COLEC12: variants seen among roughly 807,000 people sequenced by gnomAD.
COLEC12 encodes collectin subfamily member 12.
Under a neutral mutation model 71.1 loss-of-function variants are expected in COLEC12, and 33 were observed. The observed-to-expected ratio is 0.46, with a 90% CI of 0.35 to 0.62. The LOEUF (loss-of-function observed/expected upper bound fraction) is 0.62, where lower values mean the gene tolerates loss of function less well. Ranked by LOEUF, COLEC12 falls within the 20% of genes least tolerant of loss-of-function variation. The pLI is 0.00. For synonymous variants in COLEC12, 350 were observed against 353.0 expected (o/e 0.99, Z 0.10); for missense variants, 765 against 916.1 (o/e 0.84, Z 2.13).
chr18:411,999 A>C lies in COLEC12; in HGVS notation c.59-54477T>G, dbSNP rs368161358. Among the ~76,000 whole-genome samples, 35 of 152,346 alleles carry C rather than the reference A, an allele frequency of 2.3e-4. 1 individual carries two copies. The East Asian group carries it at 4.6e-3, about 20-fold the overall frequency. On this transcript the variant is annotated intron_variant, in intron 2 of 9. Coordinates refer to ENST00000400256, the MANE Select transcript of COLEC12 (RefSeq NM_130386.3). ...TAACAAAAAATCTAACATTTATGTCATAAGTGTCCTAGAAGGAGAGGAGAA... is the reference window on the plus strand; with the variant it reads ...TAACAAAAAATCTAACATTTATGTCCTAAGTGTCCTAGAAGGAGAGGAGAA...
chr18:492,798 ATATAC>A (rs1299976330), intron 1 of COLEC12, among the ~76,000 whole-genome samples: 2 of 152,212 alleles, frequency 1.3e-5, no homozygotes, highest in African/African-American at 4.8e-5. Flanking sequence ...TGCCAAAGCA[ATATAC>A]TATAATTATT....
At chr18:375,443 A>G in intron 2 of COLEC12, among the ~76,000 whole-genome samples, 1 of 152,144 alleles carries the variant, frequency 6.6e-6, no homozygotes, top group East Asian at 1.9e-4. Context: ...TCTTTTGAAA[A>G]ATGCAATCCT....
chr18:361,782 C>T (rs765592697), intron 2 of COLEC12, among the ~76,000 whole-genome samples: 3 of 152,174 alleles, frequency 2.0e-5, no homozygotes, highest in East Asian at 3.9e-4. Context: ...GCGACAGACA[C>T]GGGGTGCTGG....
chr18:350,707 C>A (rs552948338), intron 3 of COLEC12, among the ~76,000 whole-genome samples: 1 of 152,124 alleles, frequency 6.6e-6, no homozygotes, highest in African/African-American at 2.4e-5. Flanking sequence ...GTGGGTGGAT[C>A]ATTTGAGCTC....
At chr18:347,411 G>A (rs1048301274) in intron 4 of COLEC12, 70 bp from the exon 5 acceptor site, 21 of 1,298,502 alleles carry the variant, frequency 1.6e-5, no homozygotes, top group East Asian at 4.6e-5. Context: ...CAAAGATCCC[G>A]AACACACTTA....
chr18:350,901 A>C (rs187498963), intron 3 of COLEC12, among the ~76,000 whole-genome samples: 101 of 149,308 alleles, frequency 6.8e-4, no homozygotes, highest in African/African-American at 2.3e-3. Flanking sequence ...TGGAGGTTGC[A>C]GTGAGCCGAG....
Position 347,109 on chromosome 18 carries a change from G to C in COLEC12, c.513C>G (p.Leu171=), listed in dbSNP as rs1205131179. The C allele has an allele frequency of 6.2e-7, 1 of 1,614,180 alleles. No homozygotes were observed. Among genetic ancestry groups the C allele is most frequent in the African/African-American group, 1.3e-5 (1 of 75,040 alleles). ...SFLITTVNKT[L]QAYNGYVTNL... is the part of the protein sequence containing the mutation. ...TCGTGACATAGCCATTATACGCCTG[G>C]AGGGTTTTGTTTACAGTGGTGATGA... The change falls in exon 5 of 10, where the codon CTC becomes CTG. Residue 171 remains leucine (L), a synonymous_variant. Transcript: ENST00000400256.
At chr18:478,998 A>G (rs1311616479) in intron 2 of COLEC12, among the ~76,000 whole-genome samples, 1 of 151,398 alleles carries the variant, frequency 6.6e-6, no homozygotes, top group Non-Finnish European at 1.5e-5. Flanking sequence ...TTTTCTCTCA[A>G]GGTCACCCTT....
chr18:361,469 C>T (rs1043923945), intron 2 of COLEC12, among the ~76,000 whole-genome samples: 2 of 152,146 alleles, frequency 1.3e-5, no homozygotes, highest in Admixed American at 1.3e-4. Context: ...CCACTGTCCT[C>T]ATGACATTTG....
chr18:429,460 C>A (rs985035267), intron 2 of COLEC12, among the ~76,000 whole-genome samples: 2 of 151,830 alleles, frequency 1.3e-5, no homozygotes, highest in African/African-American at 4.8e-5. Context: ...CGGCTCATTG[C>A]AACCTCTGCT....
chr18:442,111 T>C (rs535014114), intron 2 of COLEC12, among the ~76,000 whole-genome samples: 1 of 143,910 alleles, frequency 6.9e-6, no homozygotes, highest in East Asian at 1.9e-4. Context: ...CCTGAGCCTG[T>C]ATCCGATGTT....
chr18:491,538 G>A (rs892661064), intron 1 of COLEC12, among the ~76,000 whole-genome samples: 7 of 152,170 alleles, frequency 4.6e-5, no homozygotes, highest in African/African-American at 1.7e-4. Context: ...TAATAAATAT[G>A]AATTTTCTTT....
chr18:495,999 G>A (rs1214062122), intron 1 of COLEC12, among the ~76,000 whole-genome samples: 1 of 152,180 alleles, frequency 6.6e-6, no homozygotes, highest in African/African-American at 2.4e-5. Flanking sequence ...GTGTTAGGCT[G>A]GCCTCCCTGA....
chr18:464,623 A>T (rs974717206), intron 2 of COLEC12, among the ~76,000 whole-genome samples: 1 of 152,064 alleles, frequency 6.6e-6, no homozygotes, highest in Non-Finnish European at 1.5e-5. Context: ...ATTTCCTTTC[A>T]AGCATTTCTC....
At chr18:365,180 T>C (rs1458808073) in intron 2 of COLEC12, among the ~76,000 whole-genome samples, 1 of 152,192 alleles carries the variant, frequency 6.6e-6, no homozygotes, top group African/African-American at 2.4e-5. Flanking sequence ...TTAACTAACT[T>C]ACAGGCCTGA....
intron 2 of COLEC12, among the ~76,000 whole-genome samples, chr18:463,169 G>A (rs140776169): frequency 7.2e-4 from 110 of 152,262 alleles, no homozygotes; most frequent in Non-Finnish European, 1.1e-3. Context: ...CAGGCTTTCA[G>A]CATCAGCCCC....
At chr18:363,749 GA>G (rs1208399639) in intron 2 of COLEC12, among the ~76,000 whole-genome samples, 21 of 152,238 alleles carry the variant, frequency 1.4e-4, no homozygotes, top group African/African-American at 5.1e-4. Flanking sequence ...TTTATCCACC[GA>G]AATAACTAGC....
At chr18:335,348 G>T (rs1914095039) in intron 5 of COLEC12, 118 bp from the exon 6 acceptor site, 2 of 1,090,046 alleles carry the variant, frequency 1.8e-6, no homozygotes, top group Non-Finnish European at 2.6e-6. Context: ...AGTATATACA[G>T]CAGGGAAAGA....
intron 2 of COLEC12, among the ~76,000 whole-genome samples, chr18:366,207 C>T (rs1238498857): frequency 6.6e-6 from 1 of 152,140 alleles, no homozygotes; most frequent in Non-Finnish European, 1.5e-5. Context: ...ACAAGGCAAG[C>T]ACTGAGCGAA....
Sources: allele counts gnomAD v4.1 joint callset (sites outside exome capture counted in the v4.1 genomes callset), GRCh38; gene constraint gnomAD v4.1.1; transcripts MANE v1.5; gene names NCBI Gene and HGNC (gene_info 2026-07-23, HGNC 2026-07-21).